FAM120B: variants seen among roughly 807,000 people sequenced by gnomAD.
The protein encoded by FAM120B is constitutive coactivator of peroxisome proliferator-activated receptor gamma.
Under a neutral mutation model 96.3 loss-of-function variants are expected in FAM120B, and 83 were observed. The observed-to-expected ratio is 0.86, with a 90% confidence interval of 0.72 to 1.03. The LOEUF (loss-of-function observed/expected upper bound fraction) is 1.03. Ranked by LOEUF, FAM120B falls within the 50% of genes least tolerant of loss-of-function variation. The pLI, the probability that FAM120B is intolerant of heterozygous loss-of-function variation, is 0.00. For missense variants in FAM120B, 1,027 were observed against 1,121.2 expected (o/e 0.92, Z 1.20); for synonymous variants, 407 against 402.7 (o/e 1.01, Z -0.13).
intron 3 of FAM120B, among the ~76,000 whole-genome samples, chr6:170,326,410 A>G (rs1266024934): frequency 1.3e-5 from 2 of 152,204 alleles, no homozygotes; most frequent in Admixed American, 6.5e-5. Flanking sequence ...TCCTCTGGCA[A>G]CTGCGAATCT....
At position 170,341,051 on chromosome 6, in the gene FAM120B, C is replaced by T. The variant is rs867993610; in HGVS notation, c.2018-7100C>T. Reference sequence around the variant, plus strand: ...ACCTCCTTGCCAGGATCCGCTGCTGCTCTCTGCAGAGCCGTCAGGCAGGAA... The same window carrying T: ...ACCTCCTTGCCAGGATCCGCTGCTGTTCTCTGCAGAGCCGTCAGGCAGGAA... On this transcript the variant is annotated intron_variant, in intron 4 of 10. Transcript: ENST00000476287. 1.3e-5 allele frequency among the ~76,000 whole-genome samples: 2 copies of T among 152,364 alleles called. 1 individual carries two copies. Among genetic ancestry groups the T allele is most frequent in the Middle Eastern group, 6.8e-3 (2 of 294 alleles).
chr6:170,317,407 T>C lies in FAM120B; in HGVS notation c.17T>C (p.Leu6Ser). MGVRG[L>S]QGFVGSTCPH... ...AGTTCAGTTATGGGTGTGAGAGGTT[T>C]GCAAGGATTTGTGGGAAGTACCTGC... Residue 6 changes from leucine (L) to serine (S), a missense_variant, in exon 2 of 11, where the codon TTG becomes TCG. Transcript: ENST00000476287. The C allele has an allele frequency of 6.2e-7, 1 of 1,609,772 alleles. No individual in the cohort carries two copies. Among genetic ancestry groups the C allele is most frequent in the Non-Finnish European group, 8.5e-7 (1 of 1,176,230 alleles).
Position 170,318,534 on chromosome 6 carries a change from G to A in FAM120B, c.1144G>A (p.Asp382Asn). 1 of 1,473,104 alleles carries A rather than the reference G, an allele frequency of 6.8e-7. No homozygotes were observed. Among genetic ancestry groups the A allele is most frequent in the Non-Finnish European group, 9.1e-7 (1 of 1,093,130 alleles). The allele number at this position is 1,473,104 out of a possible 1,614,324, so 91.3% of individuals were successfully genotyped here. A position where few individuals can be genotyped will look rare whatever the true frequency, so the allele number is the denominator to read the frequency against. ...EPRQEVPMCS[D>N]PEPRQEVPTC... Reference sequence around the variant, plus strand: ...CAGGCAAGAAGTTCCCATGTGTTCAGACCCTGAACCCAGGCAAGAAGTTCC... The same window carrying A: ...CAGGCAAGAAGTTCCCATGTGTTCAAACCCTGAACCCAGGCAAGAAGTTCC... The change falls in exon 2 of 11, where the codon GAC (aspartate) becomes AAC (asparagine). Residue 382 changes from aspartate (D) to asparagine (N), a missense_variant. By Grantham distance (23) the Asp-to-Asn change is conservative. Around this residue, in one of 3 missense-constraint regions of FAM120B, gnomAD observed 880 missense variants for 980.9 expected, o/e 0.90. Transcript: ENST00000476287.
chr6:170,403,859 G>A (rs1402822203), intron 9 of FAM120B, among the ~76,000 whole-genome samples: 4 of 152,202 alleles, frequency 2.6e-5, no homozygotes, highest in African/African-American at 9.6e-5. Flanking sequence ...CACTTTGGCT[G>A]TAGCCCTCTC....
intron 6 of FAM120B, among the ~76,000 whole-genome samples, chr6:170,380,341 G>A (rs995421122): frequency 3.3e-5 from 5 of 152,162 alleles, no homozygotes; most frequent in African/African-American, 1.2e-4. Flanking sequence ...TCAACATACT[G>A]ATTTCAGTTG....
chr6:170,393,032 C>T lies in FAM120B; in HGVS notation c.2599+1911C>T, dbSNP rs151137810. Among the ~76,000 whole-genome samples the T allele has an allele frequency of 2.9e-3, 434 of 152,160 alleles. 2 individuals are homozygous for T. Among genetic ancestry groups the T allele is most frequent in the African/African-American group, 9.3e-3 (387 of 41,516 alleles). On this transcript the variant is annotated intron_variant, in intron 8 of 10. Transcript: ENST00000476287. ...TTGGCAGTAGGTCCTCAGAAGTTTG[C>T]GCCGTGGCTGGGCACACACCTGTAA... is the stretch of plus-strand genomic sequence containing the variant.
chr6:170,330,435 C>G lies in FAM120B; in HGVS notation c.1916-14C>G, dbSNP rs1229422245. 1 of 1,610,646 alleles carries G rather than the reference C, an allele frequency of 6.2e-7. No individual in the cohort carries two copies. The highest frequency in any genetic ancestry group is 1.7e-4 in the Middle Eastern group (1 of 6,052). ...TGCCCTCATGCATCTACTGACCCAA[C>G]TCTTTTTCTTCAGATGTCACCAGCA... is the stretch of plus-strand genomic sequence containing the variant. On this transcript the variant is annotated splice_polypyrimidine_tract_variant and intron_variant, in intron 3 of 10. Transcript: ENST00000476287.
At chr6:170,379,367 A>G (rs1313755954) in intron 6 of FAM120B, among the ~76,000 whole-genome samples, 2 of 152,224 alleles carry the variant, frequency 1.3e-5, no homozygotes, top group Non-Finnish European at 2.9e-5. Flanking sequence ...CAAAACTGTG[A>G]TTATTAGACC....
intron 6 of FAM120B, among the ~76,000 whole-genome samples, chr6:170,382,608 G>A (rs999835800): frequency 6.6e-6 from 1 of 152,110 alleles, no homozygotes; most frequent in Non-Finnish European, 1.5e-5. Context: ...TACAGGATCT[G>A]TATGCTAAAA....
intron 4 of FAM120B, among the ~76,000 whole-genome samples, chr6:170,337,467 A>G (rs1373075304): frequency 1.3e-5 from 2 of 152,188 alleles, no homozygotes; most frequent in African/African-American, 4.8e-5. Flanking sequence ...ATCGATGTTC[A>G]TCAGAGATAT....
intron 1 of FAM120B, among the ~76,000 whole-genome samples, chr6:170,309,062 G>C (rs749699897): frequency 5.3e-5 from 8 of 152,178 alleles, no homozygotes; most frequent in Non-Finnish European, 1.0e-4. Context: ...CCGCTTAATG[G>C]AAATCATAAA....
intron 4 of FAM120B, among the ~76,000 whole-genome samples, chr6:170,342,594 A>G (rs1364991076): frequency 1.3e-5 from 2 of 152,184 alleles, no homozygotes; most frequent in African/African-American, 4.8e-5. Flanking sequence ...ACCTCTCAGG[A>G]CAGCCTTCAG....
At chr6:170,330,418 T>C (rs1222507748) in intron 3 of FAM120B, 31 bp from the exon 4 acceptor site, 2 of 1,557,310 alleles carry the variant, frequency 1.3e-6, no homozygotes, top group South Asian at 1.1e-5. Flanking sequence ...CATGCCCTCA[T>C]GCATCTACTG....
chr6:170,319,981 C>T (rs765075688), intron 2 of FAM120B, among the ~76,000 whole-genome samples: 7 of 152,200 alleles, frequency 4.6e-5, no homozygotes, highest in East Asian at 1.9e-4. Context: ...GGGGCCACTA[C>T]GTGTGAGGTT....
chr6:170,340,421 G>A (rs755561634), intron 4 of FAM120B, among the ~76,000 whole-genome samples: 5 of 152,146 alleles, frequency 3.3e-5, no homozygotes, highest in Non-Finnish European at 5.9e-5. Context: ...TAGCTTCCTT[G>A]CATTGGGTTA....
chr6:170,388,019 GTGTC>G (rs1790284447), intron 6 of FAM120B, among the ~76,000 whole-genome samples: 1 of 152,168 alleles, frequency 6.6e-6, no homozygotes, highest in African/African-American at 2.4e-5. Context: ...GCCTGAGTAA[GTGTC>G]TGAGGTTTGA....
intron 8 of FAM120B, among the ~76,000 whole-genome samples, chr6:170,392,441 C>T (rs185218938): frequency 1.1e-4 from 17 of 152,292 alleles, no homozygotes; most frequent in Admixed American, 2.0e-4. Flanking sequence ...CTCTTGACCT[C>T]GTGATCCGCT....
chr6:170,361,251 T>G (rs1562567401), intron 6 of FAM120B, among the ~76,000 whole-genome samples: 1 of 141,254 alleles, frequency 7.1e-6, no homozygotes, highest in African/African-American at 2.6e-5. Context: ...TATATATATA[T>G]ATACGTGTAT....
chr6:170,302,790 GA>G (rs1562506398), upstream of FAM120B, among the ~76,000 whole-genome samples: 1 of 152,216 alleles, frequency 6.6e-6, no homozygotes, highest in Non-Finnish European at 1.5e-5. Flanking sequence ...AGAGCACAGG[GA>G]AGTGCTTGCC....
Sources: gnomAD v4.1 joint callset for allele counts (sites outside exome capture counted in the v4.1 genomes callset) on GRCh38, gnomAD v4.1.1 for gene constraint, gnomAD v4.1.1 regional missense constraint, MANE v1.5 for transcripts, NCBI Gene and HGNC (gene_info 2026-07-23, HGNC 2026-07-21) for gene names.